The following CLIP4 variants were observed in gnomAD, a reference collection of about 807,000 sequenced individuals.
CLIP4 encodes the protein CAP-Gly domain containing linker protein family member 4, also known as CAP-Gly domain-containing linker protein 4.
Under a neutral mutation model 73.1 loss-of-function variants are expected in CLIP4, and 47 were observed. That is an observed-to-expected ratio of 0.64 (90% CI 0.51 to 0.82). The LOEUF is 0.82. Among genes scored for constraint, CLIP4 ranks in the 40% least tolerant of loss-of-function variants. The probability of loss-of-function intolerance (pLI) is 0.00; values close to 1 mark genes in which losing one functional copy is unlikely to be tolerated. For missense variants in CLIP4, 874 were observed against 852.9 expected (o/e 1.02, Z -0.31); for synonymous variants, 306 against 295.4 (o/e 1.04, Z -0.37).
chr2:29,148,390 A>G (rs978232890), intron 8 of CLIP4, among the ~76,000 whole-genome samples: 1 of 152,144 alleles, frequency 6.6e-6, no homozygotes, highest in Admixed American at 6.5e-5. Context: ...ATTTTGTTCT[A>G]TTGATCTGTT....
chr2:29,175,526 T>G (rs1668273778), intron 15 of CLIP4: 1 of 152,114 alleles, frequency 6.6e-6, no homozygotes, highest in African/African-American at 2.4e-5. Context: ...GTCGAGATGT[T>G]GGTGAGTGGA....
At chr2:29,109,616 T>C (rs1668330979) in intron 1 of CLIP4, among the ~76,000 whole-genome samples, 1 of 152,176 alleles carries the variant, frequency 6.6e-6, no homozygotes, top group East Asian at 1.9e-4. Context: ...GCCTCCAATC[T>C]AGCTGTAATT....
chr2:29,163,815 A>G lies in CLIP4; in HGVS notation c.1535-16A>G. 1 of 1,606,676 alleles carries G rather than the reference A, an allele frequency of 6.2e-7. No individual in the cohort carries two copies. Among genetic ancestry groups the G allele is most frequent in the Admixed American group, 1.7e-5 (1 of 58,410 alleles). On this transcript the variant is annotated splice_polypyrimidine_tract_variant and intron_variant, in intron 12 of 15. Transcript: ENST00000320081. ...TAAAGTACAGATGCTTTTGAAATGC[A>G]ATATTCATGTTCTAGGATATTGGTA...
intron 5 of CLIP4, among the ~76,000 whole-genome samples, chr2:29,134,864 C>A (rs1267011890): frequency 6.6e-6 from 1 of 152,060 alleles, no homozygotes; most frequent in East Asian, 1.9e-4. Context: ...TTCATTTGTT[C>A]AGTAGAGTAT....
At chr2:29,169,329 CTG>C (rs70958249) in intron 14 of CLIP4, among the ~76,000 whole-genome samples, 8,093 of 140,230 alleles carry the variant, frequency 0.058, 258 homozygotes, top group African/African-American at 0.071. Flanking sequence ...GTCTTTTTCA[CTG>C]TGTGTGTGTG....
At chr2:29,120,566 TAAA>T (rs1199266259) in intron 1 of CLIP4, among the ~76,000 whole-genome samples, 2 of 152,202 alleles carry the variant, frequency 1.3e-5, no homozygotes, top group Non-Finnish European at 1.5e-5. Flanking sequence ...GCTTACATTT[TAAA>T]AACAGGAATT....
intron 12 of CLIP4, among the ~76,000 whole-genome samples, chr2:29,162,147 G>T (rs1410230817): frequency 6.6e-6 from 1 of 152,162 alleles, no homozygotes; most frequent in Non-Finnish European, 1.5e-5. Flanking sequence ...ATTAAACCAA[G>T]ATAGAATGGT....
At chr2:29,120,153 GGTAA>G (rs1472567198) in intron 1 of CLIP4, among the ~76,000 whole-genome samples, 1 of 152,090 alleles carries the variant, frequency 6.6e-6, no homozygotes, top group Admixed American at 6.6e-5. Flanking sequence ...AGTATTTGGT[GGTAA>G]GTAATTTTAG....
At chr2:29,135,775 AG>A in intron 6 of CLIP4, 109 bp downstream of exon 6, 1 of 678,196 alleles carries the variant, frequency 1.5e-6, no homozygotes, top group Non-Finnish European at 2.5e-6. Flanking sequence ...TACATGAGCA[AG>A]TAATTTATAT....
chr2:29,104,807 G>T (rs1668155282), intron 1 of CLIP4, among the ~76,000 whole-genome samples: 1 of 152,220 alleles, frequency 6.6e-6, no homozygotes, highest in South Asian at 2.1e-4. Context: ...CTGGTAGGTA[G>T]GTCACTTGAC....
chr2:29,148,497 G>A (rs575547558), intron 8 of CLIP4, among the ~76,000 whole-genome samples: 2 of 152,212 alleles, frequency 1.3e-5, no homozygotes, highest in African/African-American at 4.8e-5. Context: ...AATTGCCAAA[G>A]TGAATACATA....
At chr2:29,133,592 G>A (rs938821875) in intron 4 of CLIP4, 63 bp from the exon 5 acceptor site, 7 of 1,499,382 alleles carry the variant, frequency 4.7e-6, no homozygotes, top group Non-Finnish European at 6.3e-6. Context: ...GAGGCAATTG[G>A]TAGCCATCCA....
intron 2 of CLIP4, among the ~76,000 whole-genome samples, chr2:29,121,945 A>G (rs963276757): frequency 7.2e-5 from 11 of 152,250 alleles, no homozygotes; most frequent in African/African-American, 2.7e-4. Context: ...TGGTCCATTT[A>G]CATCTCCTCT....
chr2:29,116,676 G>A (rs1226254654), intron 1 of CLIP4, among the ~76,000 whole-genome samples: 1 of 152,196 alleles, frequency 6.6e-6, no homozygotes, highest in Non-Finnish European at 1.5e-5. Flanking sequence ...GAACCATCCT[G>A]GTTCCAGCTT....
At chr2:29,109,346 T>C (rs1006990197) in intron 1 of CLIP4, among the ~76,000 whole-genome samples, 7 of 152,168 alleles carry the variant, frequency 4.6e-5, no homozygotes, top group Non-Finnish European at 8.8e-5. Flanking sequence ...TCTTCCTTTA[T>C]GTAGGCTTTA....
intron 1 of CLIP4, among the ~76,000 whole-genome samples, chr2:29,100,908 G>A (rs1668023455): frequency 6.6e-6 from 1 of 152,046 alleles, no homozygotes; most frequent in South Asian, 2.1e-4. Flanking sequence ...TGAAGAGGGA[G>A]TTTATTAGGA....
intron 8 of CLIP4, 130 bp downstream of exon 8, chr2:29,145,497 A>G: frequency 1.4e-6 from 1 of 694,944 alleles, no homozygotes; most frequent in Non-Finnish European, 2.3e-6. Context: ...GGATGTAGGG[A>G]GGACTTTTTA....
intron 6 of CLIP4, among the ~76,000 whole-genome samples, chr2:29,141,017 A>G (rs1450682179): frequency 1.3e-5 from 2 of 152,026 alleles, no homozygotes; most frequent in Admixed American, 6.6e-5. Flanking sequence ...AGGTTTTGGT[A>G]TATTGTGTCT....
At chr2:29,167,692 C>G in intron 14 of CLIP4, 152 bp downstream of exon 14, 1 of 507,210 alleles carries the variant, frequency 2.0e-6, no homozygotes, top group East Asian at 3.5e-5. Context: ...TACCTGTCCC[C>G]TGGCTGAAGA....
Sources: allele counts gnomAD v4.1 joint callset (sites outside exome capture counted in the v4.1 genomes callset), GRCh38; gene constraint gnomAD v4.1.1; transcripts MANE v1.5; gene names NCBI Gene and HGNC (gene_info 2026-07-23, HGNC 2026-07-21).